The following SCN2A variants were observed in gnomAD, a reference collection of about 807,000 sequenced individuals.
The protein encoded by SCN2A is sodium voltage-gated channel alpha subunit 2.
Under a neutral mutation model 188.7 loss-of-function variants are expected in SCN2A, and 20 were observed. The observed-to-expected ratio is 0.11, with a 90% CI of 0.07 to 0.15. The LOEUF (loss-of-function observed/expected upper bound fraction) is 0.15. SCN2A is among the 10% of genes least tolerant of loss of function. The probability of loss-of-function intolerance (pLI) is 1.00; values close to 1 mark genes in which losing one functional copy is unlikely to be tolerated. For synonymous variants in SCN2A, 804 were observed against 833.1 expected, an observed-to-expected ratio of 0.97 and a Z score of 0.60; for missense variants, 1,278 against 2,445.0, an observed-to-expected ratio of 0.52 and a Z score of 10.07.
At chr2:165,291,035 C>CTTTCTTTTTTTTTT (rs1559339507) in intron 1 of SCN2A, among the ~76,000 whole-genome samples, 11 of 79,936 alleles carry the variant, frequency 1.4e-4, no homozygotes, top group Non-Finnish European at 1.6e-4. Context: ...TCTTTTCTTT[C>CTTTCTTTTTTTTTT]TTTTTTTTTT....
intron 20 of SCN2A, chr2:165,370,675 C>G (rs908012582): frequency 3.5e-5 from 8 of 230,290 alleles, no homozygotes; most frequent in Non-Finnish European, 7.0e-5. Flanking sequence ...ATCACTAAAG[C>G]CTGTTGAGTT....
At chr2:165,283,998 G>A (rs959270224) in intron 1 of SCN2A, among the ~76,000 whole-genome samples, 1 of 151,890 alleles carries the variant, frequency 6.6e-6, no homozygotes, top group Non-Finnish European at 1.5e-5. Flanking sequence ...ATTACATGAA[G>A]AAATGAACCC....
intron 18 of SCN2A, among the ~76,000 whole-genome samples, chr2:165,366,210 A>G (rs1700716957): frequency 6.6e-6 from 1 of 152,226 alleles, no homozygotes; most frequent in African/African-American, 2.4e-5. Flanking sequence ...CCATAACTAT[A>G]GAATTGTAGA....
At chr2:165,309,111 C>A in intron 5 of SCN2A, 1 of 1,581,772 alleles carries the variant, frequency 6.3e-7, no homozygotes, top group Non-Finnish European at 8.7e-7. Flanking sequence ...GATGAAAGAC[C>A]AAGGAAGACG....
chr2:165,363,795 T>C (rs1245756431), intron 17 of SCN2A, among the ~76,000 whole-genome samples: 2 of 152,104 alleles, frequency 1.3e-5, no homozygotes, highest in Non-Finnish European at 2.9e-5. Context: ...GATTTAACTT[T>C]TTTGGACAAA....
chr2:165,275,800 T>C (rs1240030406), intron 1 of SCN2A, among the ~76,000 whole-genome samples: 1 of 151,688 alleles, frequency 6.6e-6, no homozygotes, highest in Non-Finnish European at 1.5e-5. Flanking sequence ...AGTGGTGTGA[T>C]CTCGGCTCAC....
chr2:165,326,475 A>G lies in SCN2A; in HGVS notation c.2017-377A>G, dbSNP rs537845731. 2.6e-5 allele frequency among the ~76,000 whole-genome samples: 4 copies of G among 152,336 alleles called. No homozygotes were observed. In the South Asian group the frequency reaches 8.3e-4, roughly 32 times the overall value. ...TTCATATATTAAACTACCTGAATAT[A>G]TGTCTATAAAGATCTAAAAACTCAA... On this transcript the variant is annotated intron_variant, in intron 12 of 26. Coordinates refer to ENST00000375437, the MANE Select transcript of SCN2A (RefSeq NM_001040142.2).
intron 16 of SCN2A, among the ~76,000 whole-genome samples, chr2:165,347,455 T>C (rs1459224538): frequency 6.6e-6 from 1 of 151,362 alleles, no homozygotes. Flanking sequence ...GGTGGGGGGC[T>C]AGGGGAGGGA....
chr2:165,271,585 A>G (rs1695106816), intron 1 of SCN2A: 1 of 152,176 alleles, frequency 6.6e-6, no homozygotes, highest in African/African-American at 2.4e-5. Context: ...TTGAAATACA[A>G]TTTCCATAAA....
At chr2:165,384,770 C>T (rs1360728680) in intron 25 of SCN2A, among the ~76,000 whole-genome samples, 1 of 152,046 alleles carries the variant, frequency 6.6e-6, no homozygotes, top group Non-Finnish European at 1.5e-5. Context: ...GTGCTTTAAA[C>T]TCAAAACTGA....
chr2:165,272,678 T>C (rs1695154097), intron 1 of SCN2A: 1 of 151,676 alleles, frequency 6.6e-6, no homozygotes, highest in Non-Finnish European at 1.5e-5. Context: ...AGAAATCAAT[T>C]ACAATTAGAT....
In SCN2A at chr2:165,386,832, C is replaced by T; in HGVS notation, c.4638C>T (p.Val1546=). The change falls in exon 26 of 27, where the codon GTC becomes GTT. Residue 1546 remains valine (V), a synonymous_variant. Transcript: ENST00000375437. ...TGATCCTCATCTGCCTTAACATGGT[C>T]ACCATGATGGTGGAAACCGATGACC... ...SIMILICLNM[V]TMMVETDDQS... 6.2e-7 allele frequency: 1 copy of T among 1,613,850 alleles called. No homozygotes were observed. The highest frequency in any genetic ancestry group is 8.5e-7 in the Non-Finnish European group (1 of 1,179,860).
At chr2:165,281,177 T>C (rs1249241322) in intron 1 of SCN2A, among the ~76,000 whole-genome samples, 1 of 152,108 alleles carries the variant, frequency 6.6e-6, no homozygotes, top group Admixed American at 6.5e-5. Flanking sequence ...GCTTTGCCAC[T>C]ACACACTAGT....
chr2:165,295,454 A>C (rs927044270), intron 1 of SCN2A, among the ~76,000 whole-genome samples: 1 of 152,244 alleles, frequency 6.6e-6, no homozygotes, highest in Non-Finnish European at 1.5e-5. Flanking sequence ...ACACAAGTGA[A>C]ACAGCAGGCA....
intron 1 of SCN2A, among the ~76,000 whole-genome samples, chr2:165,256,979 C>G (rs1463293764): frequency 6.7e-6 from 1 of 149,496 alleles, no homozygotes; most frequent in Non-Finnish European, 1.5e-5. Context: ...AAAGTTAAAA[C>G]TTTTTTTTTT....
intron 11 of SCN2A, among the ~76,000 whole-genome samples, chr2:165,321,985 C>T (rs1698099766): frequency 6.6e-6 from 1 of 152,170 alleles, no homozygotes; most frequent in Non-Finnish European, 1.5e-5. Context: ...CCAATGCAAG[C>T]TGGCTGAAGT....
chr2:165,242,466 A>T (rs570396809), intron 1 of SCN2A, among the ~76,000 whole-genome samples: 1 of 152,290 alleles, frequency 6.6e-6, no homozygotes, highest in South Asian at 2.1e-4. Flanking sequence ...ATAAGAGGAT[A>T]GAGTAAAGAT....
intron 22 of SCN2A, among the ~76,000 whole-genome samples, 159 bp downstream of exon 22, chr2:165,375,125 C>T (rs1198936458): frequency 6.6e-6 from 1 of 152,000 alleles, no homozygotes; most frequent in East Asian, 1.9e-4. Flanking sequence ...AACCCTTGTA[C>T]ATTGTTGGCA....
At chr2:165,297,180 C>A in intron 3 of SCN2A, 45 bp downstream of exon 3, 1 of 1,160,410 alleles carries the variant, frequency 8.6e-7, no homozygotes, top group Non-Finnish European at 1.3e-6. Context: ...TCTTCTTTGA[C>A]CAAGTTATTG....
Sources: gnomAD v4.1 joint callset for allele counts (sites outside exome capture counted in the v4.1 genomes callset) on GRCh38, gnomAD v4.1.1 for gene constraint, MANE v1.5 for transcripts, NCBI Gene and HGNC (gene_info 2026-07-23, HGNC 2026-07-21) for gene names.